Variants in ISOC2 observed in about 807,000 individuals in gnomAD.
ISOC2 encodes the protein isochorismatase domain containing 2.
Under a neutral mutation model 19.3 loss-of-function variants are expected in ISOC2, and 15 were observed. The ratio of observed to expected loss-of-function variants is 0.78; its 90% CI spans 0.52 to 1.20. The LOEUF is 1.20. Among genes scored for constraint, ISOC2 ranks in the 50% most tolerant of loss-of-function variants. ISOC2 has a pLI of 0.00. For synonymous variants in ISOC2, 106 were observed against 115.8 expected (o/e 0.92, Z 0.54); for missense variants, 285 against 272.4 (o/e 1.05, Z -0.33).
intron 1 of ISOC2, chr19:55,459,894 A>C (rs1424622290): frequency 1.3e-5 from 2 of 152,308 alleles, no homozygotes; most frequent in African/African-American, 4.8e-5. Flanking sequence ...TCTGGGGGCC[A>C]GCATGTCCAA....
At chr19:55,455,452 G>C (rs1986019619) in intron 3 of ISOC2, 122 bp from the exon 4 acceptor site, 2 of 1,382,128 alleles carry the variant, frequency 1.4e-6, no homozygotes, top group African/African-American at 2.9e-5. Flanking sequence ...CGGATCAGAG[G>C]AAGGGGCCCC....
In ISOC2 at chr19:55,455,328, G is replaced by A. The variant is rs1448712116; in HGVS notation, c.351C>T (p.Asn117=). The part of the protein sequence containing the change: ...CGIEAQACIL[N]TTLDLLDRGL... ...CCCGGTCTAGGAGGTCCAGGGTCGT[G>A]TTCTGTGGGTAGAGAGAGGTCAGGG... The change falls in exon 4 of 6, where the codon AAC becomes AAT. Residue 117 remains asparagine (N), a splice_region_variant and synonymous_variant. Transcript: ENST00000425675. The A allele has an allele frequency of 6.2e-7, 1 of 1,614,034 alleles. No individual in the cohort carries two copies. The highest frequency in any genetic ancestry group is 8.5e-7 in the Non-Finnish European group (1 of 1,180,000).
chr19:55,453,488 T>C (rs1985939639), intron 5 of ISOC2, 100 bp from the exon 6 acceptor site: 7 of 809,964 alleles, frequency 8.6e-6, no homozygotes, highest in Non-Finnish European at 1.3e-5. Flanking sequence ...CTCTCGGACC[T>C]TCTGGCTAGC....
At position 55,456,495 on chromosome 19, in the gene ISOC2, G is replaced by A; in HGVS notation, c.-3-6C>T. On this transcript the variant is annotated splice_region_variant and splice_polypyrimidine_tract_variant and intron_variant, in intron 1 of 5. Coordinates refer to ENST00000425675, the MANE Select transcript of ISOC2 (RefSeq NM_001136201.2). ...GGCCTGGCAGCCGCCATTTTCTGGG[G>A]GTGGGCAGAGGGACGGTGGGTCAGG... is the stretch of plus-strand genomic sequence containing the variant. 3 of 1,613,474 alleles carry A rather than the reference G, an allele frequency of 1.9e-6. No homozygotes were observed. The highest frequency in any genetic ancestry group is 2.5e-6 in the Non-Finnish European group (3 of 1,179,692).
chr19:55,458,808 T>C (rs747710040), intron 1 of ISOC2, among the ~76,000 whole-genome samples: 15 of 152,014 alleles, frequency 9.9e-5, no homozygotes, highest in Non-Finnish European at 1.6e-4. Context: ...ATTACAGGTG[T>C]GAGCCACCGC....
chr19:55,457,356 G>A (rs1305793487), intron 1 of ISOC2: 1 of 152,272 alleles, frequency 6.6e-6, no homozygotes, highest in Non-Finnish European at 1.5e-5. Flanking sequence ...GGCTAACATG[G>A]CGAAACCCTG....
chr19:55,461,054 G>A lies in ISOC2; in HGVS notation c.-4+458C>T, dbSNP rs184952194. ...TGAGAGAGAGAGATGTGAAGGGGAGGTCTGGGCTGGAGAGGGTTGGGCGTG... is the reference window on the plus strand; with the variant it reads ...TGAGAGAGAGAGATGTGAAGGGGAGATCTGGGCTGGAGAGGGTTGGGCGTG... On this transcript the variant is annotated intron_variant, in intron 1 of 5. Transcript: ENST00000425675. Among the ~76,000 whole-genome samples, 125 of 152,110 alleles carry A rather than the reference G, an allele frequency of 8.2e-4. 1 individual carries two copies. The highest frequency in any genetic ancestry group is 2.1e-4 in the Non-Finnish European group (14 of 68,000).
chr19:55,459,739 C>T (rs565011998), intron 1 of ISOC2: 24 of 152,320 alleles, frequency 1.6e-4, no homozygotes, highest in African/African-American at 5.5e-4. Flanking sequence ...GCTAACTCTT[C>T]CTCCCCTGTG....
chr19:55,458,232 C>T (rs566067305), intron 1 of ISOC2, among the ~76,000 whole-genome samples: 16 of 152,240 alleles, frequency 1.1e-4, no homozygotes, highest in African/African-American at 2.9e-4. Flanking sequence ...TCGGTCAGAG[C>T]GTCTACGCTG....
At chr19:55,458,072 GAAAA>G (rs1000052871) in intron 1 of ISOC2, among the ~76,000 whole-genome samples, 8 of 143,164 alleles carry the variant, frequency 5.6e-5, no homozygotes, top group Non-Finnish European at 1.2e-4. Context: ...AAAAAAAAAA[GAAAA>G]GAAAGAAAAG....
intron 1 of ISOC2, among the ~76,000 whole-genome samples, chr19:55,458,589 C>T (rs1162092433): frequency 6.6e-6 from 1 of 150,496 alleles, no homozygotes; most frequent in East Asian, 1.9e-4. Context: ...AGTGTAGTGG[C>T]GCGATCTTGG....
At chr19:55,454,745 C>T in intron 5 of ISOC2, 1 of 558,464 alleles carries the variant, frequency 1.8e-6, no homozygotes, top group Non-Finnish European at 3.2e-6. Context: ...AATACAAACC[C>T]CCTCCTCTGT....
At chr19:55,453,859 T>G (rs4801638) in intron 5 of ISOC2, 54,946 of 151,668 alleles carry the variant, frequency 0.36, 11,046 homozygotes, top group African/African-American at 0.54. Flanking sequence ...AATAAATAAA[T>G]AAACAACAAC....
chr19:55,456,497 T>G lies in ISOC2; in HGVS notation c.-3-8A>C, dbSNP rs1599883061. 6.2e-7 allele frequency: 1 copy of G among 1,612,988 alleles called. No individual in the cohort carries two copies. The highest frequency in any genetic ancestry group is 8.5e-7 in the Non-Finnish European group (1 of 1,179,548). ...CCTGGCAGCCGCCATTTTCTGGGGG[T>G]GGGCAGAGGGACGGTGGGTCAGGCC... On this transcript the variant is annotated splice_region_variant and splice_polypyrimidine_tract_variant and intron_variant, in intron 1 of 5. Transcript: ENST00000425675.
chr19:55,460,681 GC>G (rs1229826828), intron 1 of ISOC2, among the ~76,000 whole-genome samples: 2 of 152,228 alleles, frequency 1.3e-5, no homozygotes, highest in African/African-American at 4.8e-5. Context: ...ACACCAGGGT[GC>G]TCCCTTTATA....
chr19:55,458,933 T>TA (rs1986153735), intron 1 of ISOC2, among the ~76,000 whole-genome samples: 1 of 151,932 alleles, frequency 6.6e-6, no homozygotes, highest in Non-Finnish European at 1.5e-5. Flanking sequence ...GGCCTCCCTG[T>TA]ACTATTTTTT....
chr19:55,455,065 C>G lies in ISOC2; in HGVS notation c.461G>C (p.Ser154Thr). Residue 154 changes from serine (S) to threonine (T), a missense_variant, in exon 5 of 6, where the codon AGT (serine) becomes ACT (threonine). By Grantham distance (58) the Ser-to-Thr change is moderately conservative. Coordinates refer to ENST00000425675, the MANE Select transcript of ISOC2 (RefSeq NM_001136201.2). ...TTCGCTGGTGGAGAGGAAGGCACCA[C>G]TCTGTCTCATGCGGGCCAGAGCCAC... is the stretch of plus-strand genomic sequence containing the variant. ...RLVALARMRQ[S>T]GAFLSTSEGL... 5 of 1,612,918 alleles carry G rather than the reference C, an allele frequency of 3.1e-6. No homozygotes were observed. The highest frequency in any genetic ancestry group is 4.2e-6 in the Non-Finnish European group (5 of 1,179,966).
At chr19:55,456,979 G>GATCCCGGTTACA (rs1568459078) in intron 1 of ISOC2, 1 of 151,668 alleles carries the variant, frequency 6.6e-6, no homozygotes, top group African/African-American at 2.5e-5. Context: ...CCCGGTTACT[G>GATCCCGGTTACA]TCAGCCCTGG....
Position 55,453,028 on chromosome 19 carries a change from T to C in ISOC2, c.*280A>G. On this transcript the variant is annotated 3_prime_UTR_variant, in exon 6 of 6. Coordinates refer to ENST00000425675, the MANE Select transcript of ISOC2 (RefSeq NM_001136201.2). ...TATTCTGCGAGTCCGTGTCCCACAG[T>C]CTGAGACTCTTCTTCCCCTCCCCTT... 2.5e-6 allele frequency: 1 copy of C among 396,212 alleles called. No homozygotes were observed. The allele number at this position is 396,212 out of a possible 1,614,324, so 24.5% of individuals were successfully genotyped here. A position where few individuals can be genotyped will look rare whatever the true frequency, so the allele number is the denominator to read the frequency against.
Sources: gnomAD v4.1 joint callset for allele counts (sites outside exome capture counted in the v4.1 genomes callset) on GRCh38, gnomAD v4.1.1 for gene constraint, MANE v1.5 for transcripts, NCBI Gene and HGNC (gene_info 2026-07-23, HGNC 2026-07-21) for gene names.